Variants in SETD2 observed in about 807,000 individuals in gnomAD.
SETD2 encodes SET domain containing 2, histone lysine methyltransferase.
In SETD2, 31 loss-of-function variants were observed where a neutral mutation model predicts 242.1. The ratio of observed to expected loss-of-function variants is 0.13; its 90% CI spans 0.10 to 0.17. SETD2 has a LOEUF of 0.17. Among genes scored for constraint, SETD2 ranks in the 10% least tolerant of loss-of-function variants. The pLI is 1.00. For synonymous variants in SETD2, 1,006 were observed against 1,066.5 expected (o/e 0.94, Z 1.11); for missense variants, 2,481 against 3,046.3 (o/e 0.81, Z 4.37).
intron 5 of SETD2, among the ~76,000 whole-genome samples, chr3:47,108,449 T>TC (rs2107704421): frequency 6.6e-6 from 1 of 152,306 alleles, no homozygotes; most frequent in East Asian, 1.9e-4. Flanking sequence ...AGGTGATCTA[T>TC]CCAACTTCAT....
At chr3:47,025,637 A>C (rs972692718) in intron 18 of SETD2, among the ~76,000 whole-genome samples, 3 of 152,170 alleles carry the variant, frequency 2.0e-5, no homozygotes, top group Non-Finnish European at 4.4e-5. Context: ...TCCTATATAT[A>C]CTGGCTTGTT....
chr3:47,028,465 C>A (rs111689139), intron 18 of SETD2, among the ~76,000 whole-genome samples: 1 of 152,152 alleles, frequency 6.6e-6, no homozygotes, highest in Non-Finnish European at 1.5e-5. Context: ...AGATCCCAGA[C>A]AGGTGATGCC....
At position 47,121,740 on chromosome 3, in the gene SETD2, C is replaced by T; in HGVS notation, c.2896G>A (p.Gly966Arg). ...CTTCTTTCAGGCAATATGGAATTCC[C>T]TTCTTCTTGAGCCTCTTGCAAACAT... ...GKCLQEAQEEGNSILPERRGR... is the reference protein window; with the variant it reads ...GKCLQEAQEERNSILPERRGR... Residue 966 changes from glycine (G) to arginine (R), a missense_variant, in exon 3 of 21, where the codon GGG becomes AGG. Around this residue, in one of 17 missense-constraint regions of SETD2, gnomAD observed 1,300 missense variants for 1,259.2 expected, o/e 1.03. Coordinates refer to ENST00000409792, the MANE Select transcript of SETD2 (RefSeq NM_014159.7). 1 of 1,614,094 alleles carries T rather than the reference C, an allele frequency of 6.2e-7. No homozygotes were observed. The highest frequency in any genetic ancestry group is 8.5e-7 in the Non-Finnish European group (1 of 1,180,010).
chr3:47,116,856 T>G (rs1434621967), intron 3 of SETD2, 102 bp from the exon 4 acceptor site: 1 of 879,678 alleles, frequency 1.1e-6, no homozygotes, highest in Non-Finnish European at 1.7e-6. Context: ...TTCTTTTGGG[T>G]TTTTTTAAAC....
intron 1 of SETD2, among the ~76,000 whole-genome samples, chr3:47,160,799 A>G (rs1041391077): frequency 2.6e-5 from 4 of 152,138 alleles, no homozygotes; most frequent in Non-Finnish European, 2.9e-5. Context: ...AGAGTTCCTT[A>G]AAGACTAACT....
In SETD2 at chr3:47,124,173, G is replaced by C; in HGVS notation, c.463C>G (p.Pro155Ala). The C allele has an allele frequency of 6.4e-7, 1 of 1,551,898 alleles. No individual in the cohort carries two copies. The highest frequency in any genetic ancestry group is 8.7e-7 in the Non-Finnish European group (1 of 1,147,032). ...ACTGCTGTGGTAGTAGCCAGCAGTG[G>C]CCTGGATGTTACATGAAGCAGATGT... ...KKHLLHVTSR[P>A]LLATTTAVAS... Residue 155 changes from proline (P) to alanine (A), a missense_variant, in exon 3 of 21, where the codon CCA becomes GCA. Physicochemically the swap from Pro to Ala is conservative, Grantham distance 27. Transcript: ENST00000409792.
rs1234107061 is a variant in SETD2 at position 47,124,092 on chromosome 3, T to C, written c.544A>G (p.Thr182Ala). 11 of 1,551,674 alleles carry C rather than the reference T, an allele frequency of 7.1e-6. No individual in the cohort carries two copies. Among genetic ancestry groups the C allele is most frequent in the South Asian group, 1.2e-5 (1 of 84,054 alleles). The change falls in exon 3 of 21, where the codon ACT becomes GCT. Residue 182 changes from threonine to alanine, a missense_variant. Transcript: ENST00000409792. The stretch of plus-strand genomic sequence containing the variant: ...GGAGATGAGGGCGGTGAGTCTACAG[T>C]TGTTGATTCTGCTATCACTGCTGGT... ...PLPAVIAEST[T>A]VDSPPSSPPP...
At chr3:47,119,992 G>A (rs1052839992) in intron 3 of SETD2, among the ~76,000 whole-genome samples, 190 bp downstream of exon 3, 7 of 151,900 alleles carry the variant, frequency 4.6e-5, no homozygotes, top group African/African-American at 9.7e-5. Flanking sequence ...ATGGGGCGGC[G>A]GGGGGAATGG....
At chr3:47,101,650 C>G in intron 7 of SETD2, 95 bp from the exon 8 acceptor site, 1 of 654,280 alleles carries the variant, frequency 1.5e-6, no homozygotes, top group Non-Finnish European at 2.7e-6. Context: ...ATATAAAGAT[C>G]ATCATCATCT....
intron 1 of SETD2, among the ~76,000 whole-genome samples, chr3:47,162,257 T>C (rs912521717): frequency 6.6e-6 from 1 of 152,224 alleles, no homozygotes; most frequent in African/African-American, 2.4e-5. Flanking sequence ...AAGTGCTATA[T>C]AAGCATTTAT....
At position 47,075,713 on chromosome 3, in the gene SETD2, A is replaced by G. The variant is rs954752523; in HGVS notation, c.6060+8007T>C. Among the ~76,000 whole-genome samples, 4 of 152,236 alleles carry G rather than the reference A, an allele frequency of 2.6e-5. No individual in the cohort carries two copies. The East Asian group carries it at 5.8e-4, about 22-fold the overall frequency. ...GAAGGCAGTATTTAAATCAGAAGAC[A>G]TAAGTCAATTGTCAGCTGTCACTTA... On this transcript the variant is annotated intron_variant, in intron 12 of 20. Coordinates refer to ENST00000409792, the MANE Select transcript of SETD2 (RefSeq NM_014159.7).
intron 10 of SETD2, among the ~76,000 whole-genome samples, 174 bp from the exon 11 acceptor site, chr3:47,086,488 G>A (rs2041563562): frequency 6.6e-6 from 1 of 152,132 alleles, no homozygotes; most frequent in South Asian, 2.1e-4. Flanking sequence ...TACAACAAAT[G>A]CTTTAAACAG....
At chr3:47,031,720 A>T (rs1466385955) in intron 18 of SETD2, among the ~76,000 whole-genome samples, 1 of 152,240 alleles carries the variant, frequency 6.6e-6, no homozygotes, top group African/African-American at 2.4e-5. Flanking sequence ...AGGTACAAAG[A>T]GTATAAATAT....
chr3:47,066,756 T>G, intron 13 of SETD2, among the ~76,000 whole-genome samples: 1 of 149,870 alleles, frequency 6.7e-6, no homozygotes, highest in African/African-American at 2.5e-5. Context: ...AAAATCACAA[T>G]AATAAAAGAA....
At chr3:47,118,352 A>G (rs1433572649) in intron 3 of SETD2, among the ~76,000 whole-genome samples, 1 of 152,164 alleles carries the variant, frequency 6.6e-6, no homozygotes, top group Non-Finnish European at 1.5e-5. Flanking sequence ...TTTTCATTAT[A>G]TTCATATTAT....
In SETD2 at chr3:47,157,035, G is replaced by A. The variant is rs116407534; in HGVS notation, c.71+6819C>T. On this transcript the variant is annotated intron_variant, in intron 1 of 20. Transcript: ENST00000409792. Reference sequence around the variant, plus strand: ...ATAATCCCAGCACTTTTGGGAAGCCGAAGCAGGAAGATCACTTGGGCTTAG... The same window carrying A: ...ATAATCCCAGCACTTTTGGGAAGCCAAAGCAGGAAGATCACTTGGGCTTAG... 9.1e-3 allele frequency among the ~76,000 whole-genome samples: 1,389 copies of A among 152,062 alleles called. 19 individuals are homozygous for A. The highest frequency in any genetic ancestry group is 0.032 in the African/African-American group (1,314 of 41,476).
chr3:47,069,037 C>T (rs569820180), intron 12 of SETD2, among the ~76,000 whole-genome samples: 1 of 152,282 alleles, frequency 6.6e-6, no homozygotes, highest in African/African-American at 2.4e-5. Flanking sequence ...TCATGATCTG[C>T]CCACCTTGGC....
Position 47,083,782 on chromosome 3 carries a change from C to T in SETD2, c.5998G>A (p.Asp2000Asn), listed in dbSNP as rs2107637681. 2 of 1,614,096 alleles carry T rather than the reference C, an allele frequency of 1.2e-6. No individual in the cohort carries two copies. Among genetic ancestry groups the T allele is most frequent in the Non-Finnish European group, 1.7e-6 (2 of 1,179,982 alleles). Residue 2000 changes from aspartate to asparagine, a missense_variant, in exon 12 of 21, where the codon GAT becomes AAT. Asp to Asn is a conservative substitution (Grantham distance 23, BLOSUM62 1). Coordinates refer to ENST00000409792, the MANE Select transcript of SETD2 (RefSeq NM_014159.7). ...VESERSQEQP[D>N]KTVDISDLAT... ...AAATCACTTATATCCACTGTTTTAT[C>T]TGGCTGTTCTTGGCTCCTTTCACTC...
chr3:47,142,287 T>G (rs754650900), intron 1 of SETD2, among the ~76,000 whole-genome samples: 1 of 151,992 alleles, frequency 6.6e-6, no homozygotes, highest in Non-Finnish European at 1.5e-5. Flanking sequence ...GCAGTAGGGT[T>G]GTTTGAGGCT....
Sources: allele counts gnomAD v4.1 joint callset (sites outside exome capture counted in the v4.1 genomes callset), GRCh38; gene constraint gnomAD v4.1.1; regional missense constraint gnomAD v4.1.1; transcripts MANE v1.5; gene names NCBI Gene and HGNC (gene_info 2026-07-23, HGNC 2026-07-21).